The following ZNF366 variants were observed in gnomAD, a reference collection of about 807,000 sequenced individuals.
The protein encoded by ZNF366 is dendritic cell-specific transcript protein.
Under a neutral mutation model 47.2 loss-of-function variants are expected in ZNF366, and 20 were observed. The observed-to-expected ratio is 0.42, with a 90% confidence interval of 0.30 to 0.62. The LOEUF is 0.62. ZNF366 is among the 20% of genes least tolerant of loss of function. ZNF366 has a pLI of 0.16. For missense variants in ZNF366, 987 were observed against 976.3 expected (o/e 1.01, Z -0.15); for synonymous variants, 421 against 395.1 (o/e 1.07, Z -0.78).
chr5:72,468,132 A>C (rs1380458692), intron 1 of ZNF366, among the ~76,000 whole-genome samples: 2 of 152,226 alleles, frequency 1.3e-5, no homozygotes, highest in Admixed American at 6.5e-5. Flanking sequence ...ATATTTGGCA[A>C]GTGATGACTC....
chr5:72,483,879 G>A (rs75572379), intron 1 of ZNF366, among the ~76,000 whole-genome samples: 567 of 152,130 alleles, frequency 3.7e-3, no homozygotes, highest in African/African-American at 0.013. Flanking sequence ...GGGATACACA[G>A]TATTTAAGGG....
At chr5:72,486,359 G>T (rs1333850282) in intron 1 of ZNF366, among the ~76,000 whole-genome samples, 1 of 152,154 alleles carries the variant, frequency 6.6e-6, no homozygotes, top group East Asian at 1.9e-4. Context: ...CAGGAGACTT[G>T]GAGGCTCCTT....
chr5:72,446,922 A>G (rs1742972062), intron 4 of ZNF366, among the ~76,000 whole-genome samples: 1 of 152,172 alleles, frequency 6.6e-6, no homozygotes, highest in African/African-American at 2.4e-5. Context: ...CCCGCTGTAA[A>G]ATAGAAATAA....
At chr5:72,469,822 G>A (rs1159231845) in intron 1 of ZNF366, among the ~76,000 whole-genome samples, 1 of 152,168 alleles carries the variant, frequency 6.6e-6, no homozygotes, top group East Asian at 1.9e-4. Context: ...GAGGCCAGAG[G>A]ATTGCTTGAG....
At chr5:72,455,628 G>A (rs553387943) in intron 3 of ZNF366, among the ~76,000 whole-genome samples, 7 of 152,264 alleles carry the variant, frequency 4.6e-5, no homozygotes, top group South Asian at 2.1e-4. Context: ...TCGGGGAGCC[G>A]GAGCATTTCT....
intron 2 of ZNF366, among the ~76,000 whole-genome samples, chr5:72,457,765 G>A (rs891690750): frequency 6.6e-6 from 1 of 152,054 alleles, no homozygotes; most frequent in Admixed American, 6.5e-5. Context: ...AAGATGAAGT[G>A]GTGGGTCATG....
chr5:72,478,783 A>G (rs1238426449), intron 1 of ZNF366, among the ~76,000 whole-genome samples: 1 of 152,214 alleles, frequency 6.6e-6, no homozygotes, highest in East Asian at 1.9e-4. Context: ...GGCCATTGAA[A>G]GGGTTTGCTC....
Position 72,456,578 on chromosome 5 carries a change from C to G in ZNF366, c.1350G>C (p.Lys450Asn). 1.2e-6 allele frequency: 2 copies of G among 1,609,188 alleles called. No homozygotes were observed. The highest frequency in any genetic ancestry group is 1.3e-5 in the African/African-American group (1 of 74,980). The change falls in exon 3 of 5, where the codon AAG (lysine) becomes AAC (asparagine). Residue 450 changes from lysine to asparagine, a missense_variant. Lys to Asn is a moderately conservative substitution (Grantham distance 94). Coordinates refer to ENST00000318442, the MANE Select transcript of ZNF366 (RefSeq NM_152625.3). ...TGAACTCCCGCCCACAAATCCCACA[C>G]TTATGCTCCTTCACACCCTGCAGGG... ...SLTHKGVKEH[K>N]CGICGREFTL... is the part of the protein sequence containing the mutation.
At chr5:72,483,020 T>A (rs1160057077) in intron 1 of ZNF366, among the ~76,000 whole-genome samples, 1 of 152,172 alleles carries the variant, frequency 6.6e-6, no homozygotes, top group Non-Finnish European at 1.5e-5. Context: ...TGAGTCCTGT[T>A]CTCTTTCTCT....
chr5:72,465,661 G>T (rs1314798343), intron 1 of ZNF366, among the ~76,000 whole-genome samples: 1 of 152,166 alleles, frequency 6.6e-6, no homozygotes, highest in Non-Finnish European at 1.5e-5. Flanking sequence ...CTGAGTCATT[G>T]ATCCATGGCT....
At position 72,444,360 on chromosome 5, in the gene ZNF366, A is replaced by T. The variant is rs183895646; in HGVS notation, c.1700-69T>A. On this transcript the variant is annotated intron_variant, in intron 4 of 4. Coordinates refer to ENST00000318442, the MANE Select transcript of ZNF366 (RefSeq NM_152625.3). The stretch of plus-strand genomic sequence containing the variant: ...TGGAAATGGGACCTTGAGGAAGGGG[A>T]GCAGCCCGGGGCCGTTTAATGTATT... 736 of 1,524,142 alleles carry T rather than the reference A, an allele frequency of 4.8e-4. 7 individuals are homozygous for T. In the African/African-American group the frequency reaches 8.5e-3, roughly 18 times the overall value. The allele number at this position is 1,524,142 out of a possible 1,614,324, so 94.4% of individuals were successfully genotyped here. A position where few individuals can be genotyped will look rare whatever the true frequency, so the allele number is the denominator to read the frequency against.
At chr5:72,494,018 A>G (rs1744066112) in intron 1 of ZNF366, among the ~76,000 whole-genome samples, 1 of 138,646 alleles carries the variant, frequency 7.2e-6, no homozygotes, top group African/African-American at 2.7e-5. Flanking sequence ...TGATCTGCCC[A>G]CCTCAGCCTC....
At chr5:72,456,108 C>T (rs963664018) in intron 3 of ZNF366, among the ~76,000 whole-genome samples, 1 of 152,184 alleles carries the variant, frequency 6.6e-6, no homozygotes, top group Non-Finnish European at 1.5e-5. Context: ...TTAACAGCCT[C>T]CTTCTCCAAA....
Position 72,460,501 on chromosome 5 carries a change from G to T in ZNF366, c.996C>A (p.Ser332Arg), listed in dbSNP as rs1433620891. Residue 332 changes from serine (S) to arginine (R), a missense_variant, in exon 2 of 5, where the codon AGC becomes AGA. Ser to Arg is a moderately radical substitution (Grantham distance 110). Transcript: ENST00000318442. ...SHLKRHMMQH[S>R]EVKPHNCRVC... ...CGCGGCAGTTGTGCGGCTTCACCTC[G>T]CTGTGCTGCATCATGTGGCGCTTCA... 6.2e-7 allele frequency: 1 copy of T among 1,613,826 alleles called. No individual in the cohort carries two copies. The highest frequency in any genetic ancestry group is 2.2e-5 in the East Asian group (1 of 44,876).
At chr5:72,468,133 G>A (rs1743471879) in intron 1 of ZNF366, among the ~76,000 whole-genome samples, 1 of 152,208 alleles carries the variant, frequency 6.6e-6, no homozygotes, top group African/African-American at 2.4e-5. Context: ...TATTTGGCAA[G>A]TGATGACTCA....
chr5:72,457,669 T>C (rs1000518171), intron 2 of ZNF366, among the ~76,000 whole-genome samples: 1 of 152,172 alleles, frequency 6.6e-6, no homozygotes, highest in African/African-American at 2.4e-5. Flanking sequence ...TACTAAATGG[T>C]GGATTCAGGT....
intron 3 of ZNF366, 114 bp from the exon 4 acceptor site, chr5:72,447,531 C>T: frequency 7.9e-7 from 1 of 1,269,798 alleles, no homozygotes; most frequent in Non-Finnish European, 1.1e-6. Flanking sequence ...TTTTAATCTG[C>T]TTGCAAGGAA....
At chr5:72,452,520 G>A (rs1440497254) in intron 3 of ZNF366, among the ~76,000 whole-genome samples, 1 of 152,078 alleles carries the variant, frequency 6.6e-6, no homozygotes, top group Non-Finnish European at 1.5e-5. Flanking sequence ...CCAAACACTG[G>A]GCCCCTCAAA....
Position 72,461,530 on chromosome 5 carries a change from T to C in ZNF366, c.-14-20A>G. 6.6e-7 allele frequency: 1 copy of C among 1,519,790 alleles called. No homozygotes were observed. Among genetic ancestry groups the C allele is most frequent in the East Asian group, 2.3e-5 (1 of 44,050 alleles). The allele number at this position is 1,519,790 out of a possible 1,614,324, so 94.1% of individuals were successfully genotyped here. The stretch of plus-strand genomic sequence containing the variant: ...ATTTTCCTTTAAAGAGAAAGAAACT[T>C]GTGTGTTTTGGTTTGGTTTTGTTTA... On this transcript the variant is annotated intron_variant, in intron 1 of 4. Transcript: ENST00000318442.
Sources: gnomAD v4.1 joint callset for allele counts (sites outside exome capture counted in the v4.1 genomes callset) on GRCh38, gnomAD v4.1.1 for gene constraint, MANE v1.5 for transcripts, NCBI Gene and HGNC (gene_info 2026-07-23, HGNC 2026-07-21) for gene names.